The following PDE8A variants were observed in gnomAD, a reference collection of about 807,000 sequenced individuals.
The protein encoded by PDE8A is high affinity cAMP-specific and IBMX-insensitive 3',5'-cyclic phosphodiesterase 8A.
PDE8A carries 59 observed loss-of-function variants against 105.0 expected under a neutral mutation model. That is an observed-to-expected ratio of 0.56 (90% confidence interval 0.46 to 0.70). The LOEUF is 0.70. Among genes scored for constraint, PDE8A ranks in the 30% least tolerant of loss-of-function variants. PDE8A has a pLI of 0.00. For missense variants in PDE8A, 1,014 were observed against 1,045.9 expected (o/e 0.97, Z 0.42); for synonymous variants, 355 against 371.9 (o/e 0.95, Z 0.52).
chr15:85,089,743 C>T (rs561124274), intron 7 of PDE8A, among the ~76,000 whole-genome samples: 6 of 152,224 alleles, frequency 3.9e-5, no homozygotes, highest in Non-Finnish European at 7.4e-5. Flanking sequence ...TGCTGTTGTA[C>T]GAAGGGGAAT....
intron 1 of PDE8A, among the ~76,000 whole-genome samples, chr15:85,008,051 TGTGA>T (rs1242794792): frequency 6.6e-6 from 1 of 151,984 alleles, no homozygotes; most frequent in Non-Finnish European, 1.5e-5. Flanking sequence ...CCTTAATGTA[TGTGA>T]GTGACTTAGA....
In PDE8A at chr15:85,004,847, C is replaced by T. The variant is rs199758190; in HGVS notation, c.186+22499C>T. Among the ~76,000 whole-genome samples, 916 of 140,440 alleles carry T rather than the reference C, an allele frequency of 6.5e-3. 9 individuals carry two copies. The highest frequency in any genetic ancestry group is 0.023 in the African/African-American group (865 of 37,960). 92.1% of individuals were successfully genotyped at this position (140,440 alleles called of 152,430 possible). A position where few individuals can be genotyped will look rare whatever the true frequency, so the allele number is the denominator to read the frequency against. On this transcript the variant is annotated intron_variant, in intron 1 of 21. Transcript: ENST00000394553. ...GGGGATAATTACATTTTTTAATATTCTTTTTTTTTTTTTTTTACCTTTAGA... is the reference window on the plus strand; with the variant it reads ...GGGGATAATTACATTTTTTAATATTTTTTTTTTTTTTTTTTTACCTTTAGA...
chr15:85,033,545 G>C (rs2141377810), intron 1 of PDE8A, among the ~76,000 whole-genome samples: 1 of 152,154 alleles, frequency 6.6e-6, no homozygotes, highest in South Asian at 2.1e-4. Context: ...ATATGGCCCT[G>C]GCTCCTCTCC....
intron 11 of PDE8A, among the ~76,000 whole-genome samples, chr15:85,104,045 G>C (rs1004879899): frequency 7.9e-5 from 12 of 152,208 alleles, no homozygotes; most frequent in Admixed American, 7.2e-4. Flanking sequence ...CCCAATACAT[G>C]CTCCCTTTTC....
chr15:85,061,104 A>G (rs2081137270), intron 1 of PDE8A, among the ~76,000 whole-genome samples: 1 of 152,004 alleles, frequency 6.6e-6, no homozygotes, highest in Non-Finnish European at 1.5e-5. Flanking sequence ...CAAATATAGG[A>G]TCTTTGATTG....
At chr15:85,117,409 G>C (rs1276108899) in intron 16 of PDE8A, among the ~76,000 whole-genome samples, 4 of 152,150 alleles carry the variant, frequency 2.6e-5, no homozygotes. Context: ...ACGAGGCTGA[G>C]GTCAGAGCTG....
intron 8 of PDE8A, among the ~76,000 whole-genome samples, chr15:85,095,952 T>G (rs2081743096): frequency 6.6e-6 from 1 of 151,832 alleles, no homozygotes; most frequent in Admixed American, 6.6e-5. Context: ...GGCTGCTCAC[T>G]GCAACCTCTG....
chr15:85,117,568 C>G, intron 16 of PDE8A, 73 bp from the exon 17 acceptor site: 1 of 1,279,820 alleles, frequency 7.8e-7, no homozygotes, highest in Non-Finnish European at 1.1e-6. Flanking sequence ...TGGCTTGGAA[C>G]CTATTCAGGC....
intron 1 of PDE8A, among the ~76,000 whole-genome samples, chr15:85,019,211 TAA>T (rs1314134737): frequency 6.6e-6 from 1 of 152,156 alleles, no homozygotes; most frequent in East Asian, 1.9e-4. Flanking sequence ...TGGATGATAT[TAA>T]GAGGTTATTT....
intron 1 of PDE8A, among the ~76,000 whole-genome samples, chr15:85,036,136 C>G (rs575876239): frequency 6.6e-6 from 1 of 152,160 alleles, no homozygotes; most frequent in African/African-American, 2.4e-5. Context: ...GACTTAACTG[C>G]CTTCCTCATG....
chr15:84,982,330 C>A lies in PDE8A; in HGVS notation c.168C>A (p.Arg56=). 1 of 1,325,666 alleles carries A rather than the reference C, an allele frequency of 7.5e-7. No homozygotes were observed. 82.1% of individuals were successfully genotyped at this position (1,325,666 alleles called of 1,614,324 possible). Reference sequence around the variant, plus strand: ...CCGGCCTCTTGGAGTCGGAGCTTCGCGACGGCAGCGGCAAGAAGGTAAGGG... The same window carrying A: ...CCGGCCTCTTGGAGTCGGAGCTTCGAGACGGCAGCGGCAAGAAGGTAAGGG... ...RGAGLLESEL[R]DGSGKKVAVA... Residue 56 remains arginine, a synonymous_variant, in exon 1 of 22, where the codon CGC becomes CGA. Transcript: ENST00000394553.
chr15:85,017,461 T>A (rs1044746812), intron 1 of PDE8A, among the ~76,000 whole-genome samples: 1 of 78,982 alleles, frequency 1.3e-5, no homozygotes, highest in African/African-American at 3.5e-5. Context: ...TTGCATTGGA[T>A]AGTATCTTTA....
chr15:85,104,173 A>G (rs2081911745), intron 11 of PDE8A, among the ~76,000 whole-genome samples: 1 of 152,222 alleles, frequency 6.6e-6, no homozygotes, highest in African/African-American at 2.4e-5. Flanking sequence ...CTGTAAGCAT[A>G]CAGAAATGAA....
At chr15:84,981,691 AGGCGGCGGC>A (rs143049742), upstream of PDE8A, among the ~76,000 whole-genome samples, 2 of 150,674 alleles carry the variant, frequency 1.3e-5, no homozygotes, top group African/African-American at 4.9e-5. Context: ...GGAGCCGGGG[AGGCGGCGGC>A]GGCGGCGGCG....
At chr15:85,102,554 C>T (rs2081881122) in intron 11 of PDE8A, among the ~76,000 whole-genome samples, 1 of 151,294 alleles carries the variant, frequency 6.6e-6, no homozygotes, top group Admixed American at 6.6e-5. Flanking sequence ...AGAAGAGTAC[C>T]ATAGGGCTGG....
chr15:85,082,462 A>G (rs894042021), intron 5 of PDE8A, among the ~76,000 whole-genome samples: 3 of 152,186 alleles, frequency 2.0e-5, no homozygotes, highest in African/African-American at 7.2e-5. Context: ...AAACAGGCTC[A>G]GGAATGTTAG....
At chr15:85,009,110 AGTGTGT>A (rs56313426) in intron 1 of PDE8A, among the ~76,000 whole-genome samples, 864 of 64,166 alleles carry the variant, frequency 0.013, 5 homozygotes, top group African/African-American at 0.02. Flanking sequence ...AGAGAGAGAG[AGTGTGT>A]GTGTGTGTGT....
intron 1 of PDE8A, among the ~76,000 whole-genome samples, chr15:85,031,188 A>C (rs17611290): frequency 6.6e-6 from 1 of 152,246 alleles, no homozygotes; most frequent in East Asian, 1.9e-4. Context: ...CTGATAGCCC[A>C]TCACATTTCT....
At chr15:85,084,522 T>C (rs948163852) in intron 6 of PDE8A, among the ~76,000 whole-genome samples, 23 of 152,194 alleles carry the variant, frequency 1.5e-4, no homozygotes, top group East Asian at 3.8e-4. Context: ...CCTGCTTTTT[T>C]CCCACTCCTG....
Sources: allele counts gnomAD v4.1 joint callset (sites outside exome capture counted in the v4.1 genomes callset), GRCh38; gene constraint gnomAD v4.1.1; transcripts MANE v1.5; gene names NCBI Gene and HGNC (gene_info 2026-07-23, HGNC 2026-07-21).